CTNND2: variants seen among roughly 807,000 people sequenced by gnomAD.
The protein encoded by CTNND2 is catenin delta-2.
In CTNND2, 22 loss-of-function variants were observed where a neutral mutation model predicts 144.4. That is an observed-to-expected ratio of 0.15 (90% CI 0.11 to 0.22). The LOEUF (loss-of-function observed/expected upper bound fraction) is 0.22, where lower values mean the gene tolerates loss of function less well. Among genes scored for constraint, CTNND2 ranks in the 10% least tolerant of loss-of-function variants. The probability of loss-of-function intolerance (pLI) is 1.00; values close to 1 mark genes in which losing one functional copy is unlikely to be tolerated. For missense variants in CTNND2, 1,353 were observed against 1,618.8 expected (o/e 0.84, Z 2.82); for synonymous variants, 751 against 695.6 (o/e 1.08, Z -1.25).
chr5:11,879,367 A>ATG (rs1735851457), intron 1 of CTNND2, among the ~76,000 whole-genome samples: 15 of 139,256 alleles, frequency 1.1e-4, no homozygotes, highest in South Asian at 2.3e-4. Flanking sequence ...ACATATACAC[A>ATG]CACACACAAA....
chr5:11,317,060 T>G (rs56322130), intron 9 of CTNND2, among the ~76,000 whole-genome samples: 2 of 151,870 alleles, frequency 1.3e-5, no homozygotes, highest in African/African-American at 4.8e-5. Flanking sequence ...CAAAAAACAC[T>G]TGAAAAAATG....
chr5:11,805,656 A>G (rs959983176), intron 1 of CTNND2, among the ~76,000 whole-genome samples: 1 of 152,092 alleles, frequency 6.6e-6, no homozygotes, highest in Non-Finnish European at 1.5e-5. Flanking sequence ...AACATAAAGT[A>G]TAAAATAAAT....
chr5:11,404,602 CTTTTTTTTTTTTTT>C lies in CTNND2; in HGVS notation c.439+6920_439+6933del, dbSNP rs555388304. 9.1e-4 allele frequency among the ~76,000 whole-genome samples: 52 copies of C among 57,386 alleles called. 1 individual carries two copies. The highest frequency in any genetic ancestry group is 5.6e-3 in the South Asian group (5 of 896). The allele number at this position is 57,386 out of a possible 152,430, so 37.6% of individuals were successfully genotyped here. A position where few individuals can be genotyped will look rare whatever the true frequency, so the allele number is the denominator to read the frequency against. On this transcript the variant is annotated intron_variant, in intron 5 of 21. Coordinates refer to ENST00000304623, the MANE Select transcript of CTNND2 (RefSeq NM_001332.4). ...ATCAGTATCTGTCAGTATCTGTATT[CTTTTTTTTTTTTTT>C]TTTTTTTTTTTTTTTTTTTTAGACA...
intron 2 of CTNND2, among the ~76,000 whole-genome samples, chr5:11,641,371 G>A (rs961890915): frequency 1.3e-5 from 2 of 151,786 alleles, no homozygotes; most frequent in Non-Finnish European, 2.9e-5. Flanking sequence ...TTTACTAGGA[G>A]TATCCACTTC....
intron 8 of CTNND2, 67 bp from the exon 9 acceptor site, chr5:11,346,694 C>T: frequency 7.3e-7 from 1 of 1,374,682 alleles, no homozygotes; most frequent in Non-Finnish European, 9.4e-7. Flanking sequence ...TTAACCAGGT[C>T]TAGGCAGGGG....
At chr5:11,327,641 T>C (rs1399393328) in intron 9 of CTNND2, among the ~76,000 whole-genome samples, 3 of 152,162 alleles carry the variant, frequency 2.0e-5, no homozygotes, top group Admixed American at 2.0e-4. Context: ...TACAAGCAGA[T>C]TTACAAGGTC....
chr5:11,167,981 C>T (rs1045915062), intron 11 of CTNND2, among the ~76,000 whole-genome samples: 1 of 151,902 alleles, frequency 6.6e-6, no homozygotes, highest in East Asian at 1.9e-4. Context: ...GCTGGGATTA[C>T]AGGCAGGAGC....
Position 11,274,039 on chromosome 5 carries a change from A to G in CTNND2, c.1629-37216T>C, listed in dbSNP as rs2149982514. On this transcript the variant is annotated intron_variant, in intron 9 of 21. Coordinates refer to ENST00000304623, the MANE Select transcript of CTNND2 (RefSeq NM_001332.4). ...GTTTTATTTCGACTGCTCCTGCTTC[A>G]TGCTCTCCTTGTCTCCTGCTCTCAT... 1.3e-5 allele frequency among the ~76,000 whole-genome samples: 2 copies of G among 152,162 alleles called. 1 individual carries two copies. Among genetic ancestry groups the G allele is most frequent in the South Asian group, 4.2e-4 (2 of 4,808 alleles).
intron 15 of CTNND2, among the ~76,000 whole-genome samples, chr5:11,092,812 C>A (rs981660958): frequency 6.6e-6 from 1 of 152,206 alleles, no homozygotes; most frequent in Non-Finnish European, 1.5e-5. Context: ...AAAGACAAGT[C>A]ACTTTGTCTT....
At chr5:11,272,575 A>C (rs1580764314) in intron 9 of CTNND2, among the ~76,000 whole-genome samples, 1 of 152,098 alleles carries the variant, frequency 6.6e-6, no homozygotes, top group South Asian at 2.1e-4. Context: ...TCAATCCCCT[A>C]AATACTGGTG....
chr5:10,995,945 G>A (rs1308600095), intron 18 of CTNND2, among the ~76,000 whole-genome samples: 13 of 152,138 alleles, frequency 8.5e-5, no homozygotes, highest in Admixed American at 8.5e-4. Context: ...GAATAAGGAA[G>A]GGTTGGAGCT....
At chr5:11,375,862 C>G (rs1423494) in intron 7 of CTNND2, among the ~76,000 whole-genome samples, 95,184 of 151,990 alleles carry the variant, frequency 0.63, 30,326 homozygotes, top group Admixed American at 0.72. Context: ...GACTGTTTTT[C>G]GTCATGTGAA....
intron 3 of CTNND2, among the ~76,000 whole-genome samples, chr5:11,423,210 T>C (rs988868346): frequency 2.6e-5 from 4 of 152,188 alleles, no homozygotes; most frequent in African/African-American, 7.2e-5. Context: ...ATAGTTTGTG[T>C]AGTTTGTGTG....
chr5:11,517,624 G>A (rs2150034460), intron 3 of CTNND2, among the ~76,000 whole-genome samples: 1 of 151,716 alleles, frequency 6.6e-6, no homozygotes, highest in African/African-American at 2.4e-5. Flanking sequence ...CCTCTCGGGG[G>A]TGTAGGGGGC....
chr5:11,505,869 C>T (rs1280803281), intron 3 of CTNND2, among the ~76,000 whole-genome samples: 1 of 152,164 alleles, frequency 6.6e-6, no homozygotes, highest in African/African-American at 2.4e-5. Flanking sequence ...ACGCAGGCCC[C>T]CGTCATTTTT....
intron 21 of CTNND2, among the ~76,000 whole-genome samples, chr5:10,976,224 T>C (rs927752603): frequency 1.3e-5 from 2 of 152,184 alleles, no homozygotes; most frequent in Admixed American, 1.3e-4. Flanking sequence ...TTTGCTCTTG[T>C]GGTATGGACG....
chr5:11,448,277 T>A (rs553711686), intron 3 of CTNND2, among the ~76,000 whole-genome samples: 31 of 152,330 alleles, frequency 2.0e-4, no homozygotes, highest in Non-Finnish European at 2.9e-4. Context: ...GGTTATGAAT[T>A]TATGTGCTGA....
At chr5:11,282,798 A>G (rs1278754085) in intron 9 of CTNND2, among the ~76,000 whole-genome samples, 3 of 152,192 alleles carry the variant, frequency 2.0e-5, no homozygotes, top group Non-Finnish European at 4.4e-5. Flanking sequence ...TTTATCTTCA[A>G]TTGTTTATAC....
chr5:11,194,434 T>C (rs1387672714), intron 11 of CTNND2, among the ~76,000 whole-genome samples: 7 of 152,080 alleles, frequency 4.6e-5, no homozygotes, highest in African/African-American at 1.7e-4. Context: ...CAGAGATGGA[T>C]TGTGATGGGG....
Sources: allele counts gnomAD v4.1 joint callset (sites outside exome capture counted in the v4.1 genomes callset), GRCh38; gene constraint gnomAD v4.1.1; transcripts MANE v1.5; gene names NCBI Gene and HGNC (gene_info 2026-07-23, HGNC 2026-07-21).